The following CYP7B1 variants were observed in gnomAD, a reference collection of about 807,000 sequenced individuals.
CYP7B1 encodes cytochrome P450 family 7 subfamily B member 1, also known as cytochrome P450 7B1.
CYP7B1 carries 29 observed loss-of-function variants against 42.7 expected under a neutral mutation model. The ratio of observed to expected loss-of-function variants is 0.68; its 90% CI spans 0.51 to 0.93. CYP7B1 has a LOEUF of 0.93. Among genes scored for constraint, CYP7B1 ranks in the 40% least tolerant of loss-of-function variants. CYP7B1 has a pLI of 0.00. For missense variants in CYP7B1, 655 were observed against 600.5 expected, an observed-to-expected ratio of 1.09 and a Z score of -0.95; for synonymous variants, 235 against 218.2, an observed-to-expected ratio of 1.08 and a Z score of -0.68.
chr8:64,615,039 G>A lies in CYP7B1; in HGVS notation c.1044C>T (p.Ser348=), dbSNP rs145292008. ...AAAATAAATTACCTAGGCAGATTAG[G>A]CTGTCCAATTGTTCTCTGGTGAGGT... ...PIHLTREQLD[S]LICLESSIFE... The change falls in exon 4 of 6, where the codon AGC becomes AGT. Residue 348 remains serine (S), a synonymous_variant. Transcript: ENST00000310193. The A allele has an allele frequency of 2.5e-5, 40 of 1,613,442 alleles. No individual in the cohort carries two copies. Among genetic ancestry groups the A allele is most frequent in the Non-Finnish European group, 3.4e-5 (40 of 1,179,690 alleles).
intron 1 of CYP7B1, among the ~76,000 whole-genome samples, chr8:64,706,005 G>A (rs938081258): frequency 2.6e-5 from 4 of 151,926 alleles, no homozygotes; most frequent in African/African-American, 9.7e-5. Flanking sequence ...AACCAAGAAG[G>A]TCTAAACTGA....
In CYP7B1 at chr8:64,634,746, A is replaced by G. The variant is rs1215397952; in HGVS notation, c.123-10207T>C. ...AAGCTCAACATTCCTAAGTCAATTA[A>G]GTGGAGAATCAGCCTGAAATTCACC... On this transcript the variant is annotated intron_variant, in intron 1 of 5. Transcript: ENST00000310193. 2.6e-5 allele frequency among the ~76,000 whole-genome samples: 4 copies of G among 152,256 alleles called. 1 individual carries two copies. Among genetic ancestry groups the G allele is most frequent in the Non-Finnish European group, 5.9e-5 (4 of 68,012 alleles).
chr8:64,687,138 T>TA (rs201839076), intron 1 of CYP7B1, among the ~76,000 whole-genome samples: 16,021 of 148,512 alleles, frequency 0.11, 1,098 homozygotes, highest in Non-Finnish European at 0.16. Flanking sequence ...AAAAATAAAT[T>TA]TAAAAAAAAA....
intron 1 of CYP7B1, among the ~76,000 whole-genome samples, chr8:64,767,725 G>A (rs1804123020): frequency 6.6e-6 from 1 of 152,148 alleles, no homozygotes; most frequent in African/African-American, 2.4e-5. Context: ...TGCAATTCAG[G>A]TCATACATTT....
intron 1 of CYP7B1, among the ~76,000 whole-genome samples, chr8:64,651,572 T>C (rs1435724868): frequency 2.0e-5 from 3 of 152,192 alleles, no homozygotes; most frequent in Non-Finnish European, 4.4e-5. Context: ...AATTCCTACA[T>C]TGAAACTTAA....
chr8:64,720,401 C>T (rs1156455614), intron 1 of CYP7B1, among the ~76,000 whole-genome samples: 1 of 152,128 alleles, frequency 6.6e-6, no homozygotes, highest in African/African-American at 2.4e-5. Flanking sequence ...GTGAAAATAT[C>T]AGCTGACCTA....
chr8:64,712,402 A>G (rs1356219871), intron 1 of CYP7B1, among the ~76,000 whole-genome samples: 1 of 152,122 alleles, frequency 6.6e-6, no homozygotes, highest in Non-Finnish European at 1.5e-5. Context: ...CATTAACTCA[A>G]TGCTAGAACC....
intron 1 of CYP7B1, among the ~76,000 whole-genome samples, chr8:64,643,961 T>C (rs780590994): frequency 2.4e-4 from 37 of 152,170 alleles, no homozygotes; most frequent in Admixed American, 2.0e-4. Context: ...CAAGGAAGTA[T>C]TGAACCTCTC....
intron 1 of CYP7B1, among the ~76,000 whole-genome samples, chr8:64,685,194 A>G (rs1466263959): frequency 2.0e-5 from 3 of 151,576 alleles, no homozygotes; most frequent in African/African-American, 7.3e-5. Context: ...CGGCTGGAGG[A>G]GCGGACGGGC....
chr8:64,703,882 T>G (rs1300703120), intron 1 of CYP7B1: 1 of 152,028 alleles, frequency 6.6e-6, no homozygotes, highest in Non-Finnish European at 1.5e-5. Flanking sequence ...ATCCTTTGGC[T>G]TTTTCTTTGC....
chr8:64,648,907 G>C (rs1283968080), intron 1 of CYP7B1, among the ~76,000 whole-genome samples: 3 of 152,148 alleles, frequency 2.0e-5, no homozygotes, highest in Admixed American at 2.0e-4. Flanking sequence ...AAATATGAAT[G>C]ATACCTTGTC....
intron 1 of CYP7B1, among the ~76,000 whole-genome samples, chr8:64,639,096 GT>G (rs576532423): frequency 0.017 from 2,582 of 151,212 alleles, 40 homozygotes; most frequent in Middle Eastern, 0.059. Context: ...TATAGAAGGT[GT>G]TTTTTTTCCT....
chr8:64,653,662 A>G (rs1004919340), intron 1 of CYP7B1, among the ~76,000 whole-genome samples: 1 of 152,224 alleles, frequency 6.6e-6, no homozygotes, highest in African/African-American at 2.4e-5. Context: ...GGCCAGCATC[A>G]TAGTGATACC....
intron 1 of CYP7B1, among the ~76,000 whole-genome samples, chr8:64,777,564 A>G (rs1804347559): frequency 1.3e-5 from 2 of 152,136 alleles, no homozygotes; most frequent in African/African-American, 4.8e-5. Context: ...TATTGATGCA[A>G]AAGAAACAGC....
At chr8:64,777,190 A>G (rs894515022) in intron 1 of CYP7B1, among the ~76,000 whole-genome samples, 3 of 151,756 alleles carry the variant, frequency 2.0e-5, no homozygotes, top group African/African-American at 7.3e-5. Flanking sequence ...AAAAAAAAAA[A>G]AAAAAATTAG....
At chr8:64,786,522 G>A (rs1804529845) in intron 1 of CYP7B1, among the ~76,000 whole-genome samples, 1 of 152,240 alleles carries the variant, frequency 6.6e-6, no homozygotes, top group South Asian at 2.1e-4. Flanking sequence ...AGGTCATTCT[G>A]ATCCAAGATG....
At chr8:64,621,388 T>TA (rs1270856879) in intron 2 of CYP7B1, among the ~76,000 whole-genome samples, 1 of 152,172 alleles carries the variant, frequency 6.6e-6, no homozygotes, top group Non-Finnish European at 1.5e-5. Flanking sequence ...GCACCAAATA[T>TA]AGGAGGAGTC....
chr8:64,644,002 C>T (rs540967099), intron 1 of CYP7B1, among the ~76,000 whole-genome samples: 12 of 152,258 alleles, frequency 7.9e-5, no homozygotes, highest in South Asian at 6.2e-4. Flanking sequence ...CGGCCAGGCG[C>T]GGTGGCTCAC....
intron 1 of CYP7B1, among the ~76,000 whole-genome samples, chr8:64,660,933 T>C (rs1806190619): frequency 6.6e-6 from 1 of 152,150 alleles, no homozygotes. Context: ...GGTTCTGCTA[T>C]GAGAAGAAAG....
Sources: allele counts gnomAD v4.1 joint callset (sites outside exome capture counted in the v4.1 genomes callset), GRCh38; gene constraint gnomAD v4.1.1; transcripts MANE v1.5; gene names NCBI Gene and HGNC (gene_info 2026-07-23, HGNC 2026-07-21).